The following ASTN2 variants were observed in gnomAD, a reference collection of about 807,000 sequenced individuals.
ASTN2 encodes astrotactin-2.
A neutral mutation model predicts 139.8 loss-of-function variants in ASTN2; 54 were observed. The observed-to-expected ratio is 0.39, with a 90% CI of 0.31 to 0.48. The LOEUF is 0.48. ASTN2 is among the 20% of genes least tolerant of loss of function. The pLI is 0.95. For missense variants in ASTN2, 1,565 were observed against 1,725.1 expected, an observed-to-expected ratio of 0.91 and a Z score of 1.64; for synonymous variants, 756 against 719.5, an observed-to-expected ratio of 1.05 and a Z score of -0.81.
At position 117,124,809 on chromosome 9, in the gene ASTN2, A is replaced by G. The variant is rs1041335743; in HGVS notation, c.1168+16517T>C. 7.3e-4 allele frequency among the ~76,000 whole-genome samples: 21 copies of G among 28,594 alleles called. No individual in the cohort carries two copies. In the South Asian group the frequency reaches 9.3e-3, roughly 13 times the overall value. The allele number at this position is 28,594 out of a possible 152,430, so 18.8% of individuals were successfully genotyped here. On this transcript the variant is annotated intron_variant, in intron 4 of 22. Coordinates refer to ENST00000313400, the MANE Select transcript of ASTN2 (RefSeq NM_001365068.1). ...GACATAGCGAGACCCTGCCACCATG[A>G]AAAAAAAAAAAAAAAAAGCTGCATG...
intron 16 of ASTN2, among the ~76,000 whole-genome samples, chr9:116,710,039 T>C (rs1222591278): frequency 6.6e-6 from 1 of 152,214 alleles, no homozygotes; most frequent in East Asian, 1.9e-4. Flanking sequence ...ATTCTTCTAC[T>C]TACTCCCTCT....
At position 116,620,319 on chromosome 9, in the gene ASTN2, A is replaced by G. The variant is rs759392025; in HGVS notation, c.3197T>C (p.Leu1066Pro). ...ANGLPNCSPL[L>P]QPVLRLSPTV... is the part of the protein sequence containing the mutation. ...GGCCATACATACGTACACCGGCTGC[A>G]GAAGGGGGCTGCAGTTGGGGAGCCC... is the stretch of plus-strand genomic sequence containing the variant. Residue 1066 changes from leucine (L) to proline (P), a missense_variant, in exon 18 of 23, where the codon CTG becomes CCG. Leu to Pro is a moderately conservative substitution (Grantham distance 98). This residue lies in a region of ASTN2 where 418 missense variants were observed against 465.8 expected (regional missense o/e 0.90). Coordinates refer to ENST00000313400, the MANE Select transcript of ASTN2 (RefSeq NM_001365068.1). 1 of 1,614,160 alleles carries G rather than the reference A, an allele frequency of 6.2e-7. No homozygotes were observed. The highest frequency in any genetic ancestry group is 8.5e-7 in the Non-Finnish European group (1 of 1,180,030).
intron 7 of ASTN2, among the ~76,000 whole-genome samples, chr9:117,000,564 G>A (rs758526568): frequency 6.6e-6 from 1 of 152,206 alleles, no homozygotes; most frequent in African/African-American, 2.4e-5. Context: ...AAAGCCTAAT[G>A]ATTTAAACTG....
In ASTN2 at chr9:117,307,939, A is replaced by G. The variant is rs142809310; in HGVS notation, c.443-16426T>C. Among the ~76,000 whole-genome samples, 14 of 152,336 alleles carry G rather than the reference A, an allele frequency of 9.2e-5. No homozygotes were observed. The East Asian group carries it at 2.7e-3, about 29-fold the overall frequency. ...TCTGGTATGACTGACAGACTGCTGT[A>G]GAGCACAGAAGAGCAGAACAGCCTT... On this transcript the variant is annotated intron_variant, in intron 1 of 22. Coordinates refer to ENST00000313400, the MANE Select transcript of ASTN2 (RefSeq NM_001365068.1).
chr9:116,954,043 G>C (rs544052237), intron 10 of ASTN2, among the ~76,000 whole-genome samples: 127 of 152,224 alleles, frequency 8.3e-4, no homozygotes, highest in African/African-American at 2.5e-3. Context: ...TAAGGGCTTG[G>C]TGTTATTTTT....
At chr9:116,600,248 C>T (rs368215459) in intron 19 of ASTN2, among the ~76,000 whole-genome samples, 2 of 147,384 alleles carry the variant, frequency 1.4e-5, no homozygotes, top group Non-Finnish European at 3.0e-5. Context: ...TGACTGAGCC[C>T]GGGAGATAGA....
chr9:116,527,713 T>C (rs1189241189), intron 19 of ASTN2, among the ~76,000 whole-genome samples: 5 of 152,110 alleles, frequency 3.3e-5, no homozygotes, highest in Non-Finnish European at 7.4e-5. Flanking sequence ...TCCCCATGTG[T>C]TGGGGAGGGG....
chr9:116,656,914 G>T (rs1256645482), intron 16 of ASTN2, among the ~76,000 whole-genome samples: 2 of 152,162 alleles, frequency 1.3e-5, no homozygotes, highest in African/African-American at 2.4e-5. Flanking sequence ...TTGGCAATAG[G>T]TTTGCACTTG....
At chr9:116,787,673 G>A (rs1237841868) in intron 13 of ASTN2, among the ~76,000 whole-genome samples, 1 of 152,160 alleles carries the variant, frequency 6.6e-6, no homozygotes, top group Non-Finnish European at 1.5e-5. Context: ...GTGAAATTGA[G>A]TTCAGACCTC....
At chr9:116,893,015 C>T (rs1205669245) in intron 10 of ASTN2, among the ~76,000 whole-genome samples, 1 of 152,110 alleles carries the variant, frequency 6.6e-6, no homozygotes, top group Non-Finnish European at 1.5e-5. Context: ...TTCTCCGGTA[C>T]TCCCAAACTC....
intron 10 of ASTN2, among the ~76,000 whole-genome samples, chr9:116,873,688 A>G (rs10983389): frequency 0.36 from 54,016 of 152,004 alleles, 10,136 homozygotes; most frequent in East Asian, 0.53. Flanking sequence ...GTAATCCTCA[A>G]TGTTGGAGGA....
chr9:116,804,981 T>C (rs1305940849), intron 13 of ASTN2, among the ~76,000 whole-genome samples: 1 of 152,000 alleles, frequency 6.6e-6, no homozygotes, highest in Admixed American at 6.6e-5. Flanking sequence ...GGCAGAACAG[T>C]TTCAACTGTC....
At chr9:117,109,992 T>C (rs1829210105) in intron 4 of ASTN2, among the ~76,000 whole-genome samples, 1 of 152,204 alleles carries the variant, frequency 6.6e-6, no homozygotes. Context: ...TTTCAGAATC[T>C]TCTCTGAAAT....
intron 16 of ASTN2, among the ~76,000 whole-genome samples, chr9:116,661,218 GA>G (rs11449720): frequency 6.6e-5 from 10 of 150,642 alleles, no homozygotes; most frequent in African/African-American, 2.0e-4. Context: ...ACAGGAGGCT[GA>G]AAAAAAAAGG....
intron 3 of ASTN2, among the ~76,000 whole-genome samples, chr9:117,158,166 A>G (rs1435893159): frequency 6.6e-6 from 1 of 152,086 alleles, no homozygotes; most frequent in Non-Finnish European, 1.5e-5. Context: ...ACGTGTAGTC[A>G]GGGTACTAAC....
In ASTN2 at chr9:116,663,966, T is replaced by C. The variant is rs150212989; in HGVS notation, c.2807-12173A>G. Reference sequence around the variant, plus strand: ...TTAGGCTGCCTCCCACTCTGCTACATTGCTAGAGATTCAAGTTCAGGCAGT... The same window carrying C: ...TTAGGCTGCCTCCCACTCTGCTACACTGCTAGAGATTCAAGTTCAGGCAGT... On this transcript the variant is annotated intron_variant, in intron 16 of 22. Transcript: ENST00000313400. Among the ~76,000 whole-genome samples the C allele has an allele frequency of 3.4e-4, 52 of 152,292 alleles. No individual in the cohort carries two copies. The East Asian group carries it at 9.5e-3, about 28-fold the overall frequency.
intron 6 of ASTN2, among the ~76,000 whole-genome samples, chr9:117,015,824 A>C (rs1837658258): frequency 6.6e-6 from 1 of 152,126 alleles, no homozygotes; most frequent in Admixed American, 6.5e-5. Context: ...GGTTTCCTGG[A>C]ATCATTATAC....
At chr9:116,964,699 T>C (rs1374581289) in intron 10 of ASTN2, among the ~76,000 whole-genome samples, 1 of 152,192 alleles carries the variant, frequency 6.6e-6, no homozygotes, top group Non-Finnish European at 1.5e-5. Flanking sequence ...AGTTTGTTCA[T>C]AGCTTTTAAA....
intron 1 of ASTN2, among the ~76,000 whole-genome samples, chr9:117,374,417 T>G (rs1287243470): frequency 7.8e-6 from 1 of 128,630 alleles, no homozygotes; most frequent in Non-Finnish European, 1.6e-5. Context: ...CCCGCAAACA[T>G]GAGAGCTTTT....
Sources: allele counts gnomAD v4.1 joint callset (sites outside exome capture counted in the v4.1 genomes callset), GRCh38; gene constraint gnomAD v4.1.1; regional missense constraint gnomAD v4.1.1; transcripts MANE v1.5; gene names NCBI Gene and HGNC (gene_info 2026-07-23, HGNC 2026-07-21).